Variants in TMEM175 observed in about 807,000 individuals in gnomAD.
TMEM175 encodes the protein transmembrane protein 175.
TMEM175 carries 36 observed loss-of-function variants against 36.5 expected under a neutral mutation model. The ratio of observed to expected loss-of-function variants is 0.99; its 90% CI spans 0.76 to 1.30. TMEM175 has a LOEUF of 1.30. TMEM175 is among the 50% of genes most tolerant of loss of function. The pLI, the probability that TMEM175 is intolerant of heterozygous loss-of-function variation, is 0.00. For missense variants in TMEM175, 705 were observed against 692.8 expected, an observed-to-expected ratio of 1.02 and a Z score of -0.20; for synonymous variants, 339 against 313.4, an observed-to-expected ratio of 1.08 and a Z score of -0.86.
chr4:952,409 T>C lies in TMEM175; in HGVS notation c.421T>C (p.Phe141Leu). The stretch of plus-strand genomic sequence containing the variant: ...CTTCCCTGATGTGCCTCTGGGCATC[T>C]TCTTGTTCTGTGTGTGTGTGATCGC... ...VTFPDVPLGI[F>L]LFCVCVIAIG... The change falls in exon 7 of 11, where the codon TTC (phenylalanine) becomes CTC (leucine). Residue 141 changes from phenylalanine to leucine, a missense_variant. Transcript: ENST00000264771. The C allele has an allele frequency of 6.2e-7, 1 of 1,611,846 alleles. No homozygotes were observed.
At chr4:951,359 G>A in intron 5 of TMEM175, 101 bp downstream of exon 5, 1 of 1,343,628 alleles carries the variant, frequency 7.4e-7, no homozygotes, top group Non-Finnish European at 1.1e-6. Context: ...GTGACCTCCA[G>A]GGAGTCTCGG....
chr4:958,607 C>T lies in TMEM175; in HGVS notation c.*111C>T. The T allele has an allele frequency of 2.3e-6, 2 of 866,894 alleles. No homozygotes were observed. Among genetic ancestry groups the T allele is most frequent in the Non-Finnish European group, 1.7e-6 (1 of 585,028 alleles). 53.7% of individuals were successfully genotyped at this position (866,894 alleles called of 1,614,324 possible). A position where few individuals can be genotyped will look rare whatever the true frequency, so the allele number is the denominator to read the frequency against. On this transcript the variant is annotated 3_prime_UTR_variant, in exon 11 of 11. Transcript: ENST00000264771. Reference sequence around the variant, plus strand: ...CAGGCCGCAGTGGTTCTTGCGTGGCCTGGTTTTATTTTCATTGTGAAATAT... The same window carrying T: ...CAGGCCGCAGTGGTTCTTGCGTGGCTTGGTTTTATTTTCATTGTGAAATAT...
At chr4:949,010 G>A (rs1728537635) in intron 3 of TMEM175, among the ~76,000 whole-genome samples, 3 of 152,214 alleles carry the variant, frequency 2.0e-5, no homozygotes, top group African/African-American at 7.2e-5. Flanking sequence ...GGCACCAGCA[G>A]GCAGCAAGCA....
At position 958,551 on chromosome 4, in the gene TMEM175, G is replaced by A; in HGVS notation, c.*55G>A. On this transcript the variant is annotated 3_prime_UTR_variant, in exon 11 of 11. Transcript: ENST00000264771. ...CACCAGAGATGGACCAGGGAGGACA[G>A]GATGCTGGGCAGGGGAAGCCAAGTC... 1.4e-6 allele frequency: 2 copies of A among 1,406,122 alleles called. No individual in the cohort carries two copies. Among genetic ancestry groups the A allele is most frequent in the South Asian group, 1.5e-5 (1 of 68,012 alleles). The allele number at this position is 1,406,122 out of a possible 1,614,324, so 87.1% of individuals were successfully genotyped here.
At chr4:951,558 A>C (rs1331717262) in intron 5 of TMEM175, 124 bp from the exon 6 acceptor site, 2 of 1,286,482 alleles carry the variant, frequency 1.6e-6, no homozygotes, top group African/African-American at 2.9e-5. Context: ...GGCTGGACTC[A>C]CACTCGCTGG....
intron 7 of TMEM175, 67 bp downstream of exon 7, chr4:952,517 T>C: frequency 8.1e-7 from 1 of 1,233,364 alleles, no homozygotes; most frequent in East Asian, 2.6e-5. Context: ...TGTGTGTGTG[T>C]GATCACCATC....
chr4:951,326 GA>G (rs1728863017), intron 5 of TMEM175, 68 bp downstream of exon 5: 1 of 1,573,196 alleles, frequency 6.4e-7, no homozygotes, highest in South Asian at 1.1e-5. Flanking sequence ...GGGAAGAGGG[GA>G]AGGGAGCAGC....
chr4:953,019 C>T (rs1729143893), intron 7 of TMEM175, among the ~76,000 whole-genome samples, 171 bp from the exon 8 acceptor site: 1 of 151,928 alleles, frequency 6.6e-6, no homozygotes, highest in Non-Finnish European at 1.5e-5. Context: ...CTCTACTCGC[C>T]AGGTCCTCCC....
chr4:937,084 T>G (rs1325915272), intron 1 of TMEM175, among the ~76,000 whole-genome samples: 1 of 152,196 alleles, frequency 6.6e-6, no homozygotes, highest in Non-Finnish European at 1.5e-5. Flanking sequence ...GATACCCCAT[T>G]CTTCATGATA....
rs558682316 is a variant in TMEM175 at position 944,248 on chromosome 4, G to A, written c.-31-3461G>A. Among the ~76,000 whole-genome samples, 47 of 152,316 alleles carry A rather than the reference G, an allele frequency of 3.1e-4. No homozygotes were observed. The South Asian group carries it at 7.2e-3, about 23-fold the overall frequency. On this transcript the variant is annotated intron_variant, in intron 1 of 10. Transcript: ENST00000264771. Reference sequence around the variant, plus strand: ...GCGGAGGTTGCAGTGAGCTGCGATCGTGCCACTGCAATCCAGCCTGGGCGA... The same window carrying A: ...GCGGAGGTTGCAGTGAGCTGCGATCATGCCACTGCAATCCAGCCTGGGCGA...
rs1271656597 is a variant in TMEM175, at chr4:955,881, T to G, written c.833T>G (p.Leu278Arg). 6.2e-7 allele frequency: 1 copy of G among 1,613,620 alleles called. No homozygotes were observed. Among genetic ancestry groups the G allele is most frequent in the Non-Finnish European group, 8.5e-7 (1 of 1,179,622 alleles). Residue 278 changes from leucine (L) to arginine (R), a missense_variant, in exon 10 of 11, where the codon CTG becomes CGG. By Grantham distance (102) the Leu-to-Arg change is moderately radical. Coordinates refer to ENST00000264771, the MANE Select transcript of TMEM175 (RefSeq NM_032326.4). ...VYAIVATLLI[L>R]DICEDNVPDP... The stretch of plus-strand genomic sequence containing the variant: ...GCCATCGTGGCCACGCTTCTCATCC[T>G]GGACATCTGGTGAGGACCCCGCGTC...
intron 1 of TMEM175, among the ~76,000 whole-genome samples, chr4:941,148 T>C (rs1379953559): frequency 6.7e-6 from 1 of 150,172 alleles, no homozygotes; most frequent in Non-Finnish European, 1.5e-5. Context: ...GAGGCCAAGG[T>C]GGGCAGATTA....
intron 10 of TMEM175, among the ~76,000 whole-genome samples, chr4:956,131 G>A (rs1212226152): frequency 1.4e-5 from 2 of 138,364 alleles, no homozygotes; most frequent in African/African-American, 6.5e-5. Context: ...CACAGCCGAG[G>A]ATGGGGTGCC....
At chr4:943,112 A>C (rs1367580142) in intron 1 of TMEM175, among the ~76,000 whole-genome samples, 4 of 152,252 alleles carry the variant, frequency 2.6e-5, no homozygotes, top group Non-Finnish European at 5.9e-5. Context: ...CAAAGATTCT[A>C]AGACACTTCA....
At chr4:951,003 G>C (rs1728822982) in intron 4 of TMEM175, among the ~76,000 whole-genome samples, 2 of 152,082 alleles carry the variant, frequency 1.3e-5, no homozygotes, top group Admixed American at 1.3e-4. Context: ...GATGGTGCAG[G>C]GTGTGGATGG....
At chr4:941,250 C>T (rs1727447658) in intron 1 of TMEM175, among the ~76,000 whole-genome samples, 1 of 149,966 alleles carries the variant, frequency 6.7e-6, no homozygotes, top group Non-Finnish European at 1.5e-5. Flanking sequence ...ATGGCAGGCA[C>T]CTGTAATCCC....
At chr4:954,002 T>G (rs1729301168) in intron 8 of TMEM175, among the ~76,000 whole-genome samples, 1 of 151,902 alleles carries the variant, frequency 6.6e-6, no homozygotes, top group Non-Finnish European at 1.5e-5. Context: ...TTTTTTTCTT[T>G]TTTTTTTCTT....
rs1238139254 is a variant in TMEM175 at position 941,577 on chromosome 4, T to TA, written c.-31-6131dup. On this transcript the variant is annotated intron_variant, in intron 1 of 10. Coordinates refer to ENST00000264771, the MANE Select transcript of TMEM175 (RefSeq NM_032326.4). ...CGTCAAACTCCCGAGTAGCTGGAAT[T>TA]ACAGACGCGTACCACCACACCCAGC... Among the ~76,000 whole-genome samples, 3 of 151,762 alleles carry TA rather than the reference T, an allele frequency of 2.0e-5. No individual in the cohort carries two copies. The East Asian group carries it at 5.9e-4, about 30-fold the overall frequency.
intron 5 of TMEM175, 119 bp from the exon 6 acceptor site, chr4:951,563 C>G (rs113068700): frequency 1.5e-6 from 2 of 1,336,654 alleles, no homozygotes; most frequent in East Asian, 4.6e-5. Context: ...GACTCACACT[C>G]GCTGGCCCAC....
Sources: gnomAD v4.1 joint callset for allele counts (sites outside exome capture counted in the v4.1 genomes callset) on GRCh38, gnomAD v4.1.1 for gene constraint, MANE v1.5 for transcripts, NCBI Gene and HGNC (gene_info 2026-07-23, HGNC 2026-07-21) for gene names.